CNTNAP2: variants seen among roughly 807,000 people sequenced by gnomAD.
CNTNAP2 encodes the protein contactin-associated protein-like 2.
In CNTNAP2, 98 loss-of-function variants were observed where a neutral mutation model predicts 155.2. The observed-to-expected ratio is 0.63, with a 90% CI of 0.54 to 0.75. The LOEUF (loss-of-function observed/expected upper bound fraction) is 0.75. CNTNAP2 is among the 30% of genes least tolerant of loss of function. The pLI is 0.00. For synonymous variants in CNTNAP2, 651 were observed against 631.2 expected (o/e 1.03, Z -0.47); for missense variants, 1,727 against 1,688.1 (o/e 1.02, Z -0.40).
At chr7:146,670,688 C>A (rs1800287507) in intron 1 of CNTNAP2, among the ~76,000 whole-genome samples, 1 of 152,112 alleles carries the variant, frequency 6.6e-6, no homozygotes, top group African/African-American at 2.4e-5. Context: ...TTGATCCCAT[C>A]ACTCTCAATT....
At chr7:146,419,523 A>C (rs1487746564) in intron 1 of CNTNAP2, among the ~76,000 whole-genome samples, 1 of 152,154 alleles carries the variant, frequency 6.6e-6, no homozygotes, top group Non-Finnish European at 1.5e-5. Context: ...TTTTAATTCC[A>C]ATTATTATCA....
chr7:147,908,296 A>G (rs956405005), intron 14 of CNTNAP2, among the ~76,000 whole-genome samples: 1 of 152,206 alleles, frequency 6.6e-6, no homozygotes, highest in Non-Finnish European at 1.5e-5. Context: ...ATCATCCCTC[A>G]GGGAGACGTG....
chr7:148,186,161 A>C (rs1429511710), intron 18 of CNTNAP2, among the ~76,000 whole-genome samples: 1 of 152,228 alleles, frequency 6.6e-6, no homozygotes, highest in Non-Finnish European at 1.5e-5. Flanking sequence ...ACAAAATCAA[A>C]GTATGTCGTG....
intron 13 of CNTNAP2, among the ~76,000 whole-genome samples, chr7:147,866,619 C>T (rs185982390): frequency 2.6e-4 from 39 of 152,230 alleles, no homozygotes; most frequent in Admixed American, 1.7e-3. Flanking sequence ...TGGTTGGGTG[C>T]GTATATATTT....
chr7:147,145,733 A>G lies in CNTNAP2; in HGVS notation c.1348+13224A>G, dbSNP rs116414213. On this transcript the variant is annotated intron_variant, in intron 8 of 23. Coordinates refer to ENST00000361727, the MANE Select transcript of CNTNAP2 (RefSeq NM_014141.6). ...TTCCTGTTTTCCTTTCCCAACATAC[A>G]TATTTAGAAAAATTCCAGACTCCTT... Among the ~76,000 whole-genome samples the G allele has an allele frequency of 5.8e-3, 884 of 152,288 alleles. 12 individuals carry two copies. Among genetic ancestry groups the G allele is most frequent in the African/African-American group, 0.02 (812 of 41,548 alleles).
chr7:146,188,227 G>C (rs1384532764), intron 1 of CNTNAP2, among the ~76,000 whole-genome samples: 3 of 152,114 alleles, frequency 2.0e-5, no homozygotes, highest in Non-Finnish European at 4.4e-5. Flanking sequence ...GACTGATACT[G>C]AATTCAGCCC....
chr7:147,652,885 T>G (rs1795469019), intron 13 of CNTNAP2, among the ~76,000 whole-genome samples: 1 of 152,192 alleles, frequency 6.6e-6, no homozygotes, highest in African/African-American at 2.4e-5. Flanking sequence ...TTTATTTTTT[T>G]GTTGTTTTGT....
chr7:148,009,282 T>C (rs750480019), intron 15 of CNTNAP2, among the ~76,000 whole-genome samples: 8 of 152,182 alleles, frequency 5.3e-5, no homozygotes, highest in Non-Finnish European at 1.2e-4. Flanking sequence ...ATGTGATTTA[T>C]AGAATACTGC....
intron 21 of CNTNAP2, among the ~76,000 whole-genome samples, chr7:148,361,344 G>A (rs1278065567): frequency 1.3e-5 from 2 of 152,070 alleles, no homozygotes; most frequent in African/African-American, 4.8e-5. Context: ...CAGTCTTCAG[G>A]GTCTGTCTTC....
intron 3 of CNTNAP2, among the ~76,000 whole-genome samples, chr7:146,979,545 ATTATT>A (rs1797974939): frequency 6.6e-6 from 1 of 152,150 alleles, no homozygotes; most frequent in Non-Finnish European, 1.5e-5. Context: ...TGTGTCTGTA[ATTATT>A]TTATTTGTTT....
intron 1 of CNTNAP2, among the ~76,000 whole-genome samples, chr7:146,138,051 C>T (rs937901289): frequency 3.9e-5 from 6 of 151,982 alleles, no homozygotes; most frequent in Admixed American, 3.9e-4. Context: ...ATTCCTTGCA[C>T]ATCATGAGGC....
chr7:147,114,909 G>T lies in CNTNAP2; in HGVS notation c.755-6070G>T, dbSNP rs189142135. ...TATGTGATTGCTTCATAGTGTCACT[G>T]GTCTGTGTATTTCGATGTGTTTCTG... On this transcript the variant is annotated intron_variant, in intron 5 of 23. Coordinates refer to ENST00000361727, the MANE Select transcript of CNTNAP2 (RefSeq NM_014141.6). Among the ~76,000 whole-genome samples, 153 of 152,228 alleles carry T rather than the reference G, an allele frequency of 1.0e-3. 1 individual carries two copies. The highest frequency in any genetic ancestry group is 3.4e-3 in the Middle Eastern group (1 of 294).
rs1206647526 is a variant in CNTNAP2, at chr7:146,908,499, A to C, written c.402+68595A>C. Among the ~76,000 whole-genome samples the C allele has an allele frequency of 6.6e-5, 9 of 136,622 alleles. No homozygotes were observed. The East Asian group carries it at 1.9e-3, about 28-fold the overall frequency. 89.6% of individuals were successfully genotyped at this position (136,622 alleles called of 152,430 possible). ...ACTAGAACTCAGGATTAAGAATCTC[A>C]CTCAAAACCACTCAACTACATGGAA... On this transcript the variant is annotated intron_variant, in intron 3 of 23. Transcript: ENST00000361727.
chr7:146,547,218 A>T (rs1008064986), intron 1 of CNTNAP2, among the ~76,000 whole-genome samples: 1 of 151,920 alleles, frequency 6.6e-6, no homozygotes, highest in East Asian at 1.9e-4. Flanking sequence ...TATTATTTTG[A>T]GACTTTAATT....
At chr7:148,321,573 T>C (rs984955449) in intron 21 of CNTNAP2, among the ~76,000 whole-genome samples, 2 of 152,216 alleles carry the variant, frequency 1.3e-5, no homozygotes, top group East Asian at 3.9e-4. Context: ...ACATATATTG[T>C]ATCCAAAATG....
chr7:147,241,098 G>A (rs1387316527), intron 8 of CNTNAP2, among the ~76,000 whole-genome samples: 2 of 152,196 alleles, frequency 1.3e-5, no homozygotes, highest in Non-Finnish European at 2.9e-5. Flanking sequence ...GTATTAAGCT[G>A]TTGAAATTTG....
chr7:148,276,444 C>A lies in CNTNAP2; in HGVS notation c.3475+9318C>A, dbSNP rs1053177441. Among the ~76,000 whole-genome samples the A allele has an allele frequency of 2.6e-5, 4 of 152,180 alleles. No individual in the cohort carries two copies. In the East Asian group the frequency reaches 7.7e-4, roughly 29 times the overall value. ...GGCAGGAGGAAGCCAGGGCATCTCG[C>A]CACCTCCTCCCATCCTGCAGTGATG... On this transcript the variant is annotated intron_variant, in intron 21 of 23. Coordinates refer to ENST00000361727, the MANE Select transcript of CNTNAP2 (RefSeq NM_014141.6).
At chr7:146,529,571 C>A (rs182480838) in intron 1 of CNTNAP2, among the ~76,000 whole-genome samples, 95 of 152,188 alleles carry the variant, frequency 6.2e-4, no homozygotes, top group African/African-American at 2.2e-3. Flanking sequence ...ATGAGGCATG[C>A]CATTTGTATT....
chr7:147,253,812 A>G (rs1804257874), intron 8 of CNTNAP2, among the ~76,000 whole-genome samples: 1 of 152,184 alleles, frequency 6.6e-6, no homozygotes, highest in African/African-American at 2.4e-5. Flanking sequence ...ACCACTGTGT[A>G]CTTAAGAGTG....
Sources: gnomAD v4.1 joint callset for allele counts (sites outside exome capture counted in the v4.1 genomes callset) on GRCh38, gnomAD v4.1.1 for gene constraint, MANE v1.5 for transcripts, NCBI Gene and HGNC (gene_info 2026-07-23, HGNC 2026-07-21) for gene names.